C4orf50: variants seen among roughly 807,000 people sequenced by gnomAD.
The protein encoded by C4orf50 is uncharacterized protein C4orf50.
A neutral mutation model predicts 77.2 loss-of-function variants in C4orf50; 80 were observed. The ratio of observed to expected loss-of-function variants is 1.04; its 90% CI spans 0.87 to 1.25. The LOEUF is 1.25. Among genes scored for constraint, C4orf50 ranks in the 50% most tolerant of loss-of-function variants. The pLI is 0.00. For synonymous variants in C4orf50, 532 were observed against 465.3 expected (o/e 1.14, Z -1.84); for missense variants, 1,257 against 1,152.9 (o/e 1.09, Z -1.31).
At chr4:5,934,362 T>C (rs1454840016) in intron 7 of C4orf50, among the ~76,000 whole-genome samples, 1 of 152,172 alleles carries the variant, frequency 6.6e-6, no homozygotes, top group Non-Finnish European at 1.5e-5. Flanking sequence ...TTCCTCATAT[T>C]GGAAAACTCA....
At chr4:6,006,219 G>T (rs922089132) in intron 25 of C4orf50, among the ~76,000 whole-genome samples, 3 of 152,064 alleles carry the variant, frequency 2.0e-5, no homozygotes, top group Admixed American at 1.3e-4. Context: ...ATCATTTAAG[G>T]TTCCAGGTAA....
intron 7 of C4orf50, among the ~76,000 whole-genome samples, chr4:5,930,198 G>C (rs1332604607): frequency 6.6e-6 from 1 of 152,176 alleles, no homozygotes; most frequent in Non-Finnish European, 1.5e-5. Flanking sequence ...GTCTCTCTAG[G>C]CCTCAGATTC....
rs1452446103 is a variant in C4orf50, at chr4:6,018,149, T to C, written c.283A>G (p.Ser95Gly). ...AGATCAAAATGGCATCGCTACCTGCTTCTCAGCCCGGACTCCGATGTCACG... is the reference window on the plus strand; with the variant it reads ...AGATCAAAATGGCATCGCTACCTGCCTCTCAGCCCGGACTCCGATGTCACG... The change falls in exon 23 of 34, where the codon AGC becomes GGC. Residue 95 changes from serine (S) to glycine (G), a missense_variant. Physicochemically the swap from Ser to Gly is moderately conservative, Grantham distance 56 (BLOSUM62 0). Coordinates refer to ENST00000531445, the Ensembl canonical transcript of C4orf50. This position sits in a 1 kb window ranked among gnomAD's most constrained non-coding sequence, Gnocchi z 5.1. 1.5e-5 allele frequency: 6 copies of C among 398,742 alleles called. No homozygotes were observed. The highest frequency in any genetic ancestry group is 8.8e-5 in the Admixed American group (2 of 22,714). 24.7% of individuals were successfully genotyped at this position (398,742 alleles called of 1,614,324 possible). A position where few individuals can be genotyped will look rare whatever the true frequency, so the allele number is the denominator to read the frequency against.
intron 7 of C4orf50, among the ~76,000 whole-genome samples, chr4:5,918,162 C>T (rs1224390478): frequency 6.6e-6 from 1 of 152,144 alleles, no homozygotes. Flanking sequence ...AAAGAGGAGG[C>T]GAGGTCATAT....
At position 6,011,281 on chromosome 4, in the gene C4orf50, C is replaced by T. The variant is rs1463156044; in HGVS notation, c.426+549G>A. Among the ~76,000 whole-genome samples, 3 of 152,148 alleles carry T rather than the reference C, an allele frequency of 2.0e-5. No individual in the cohort carries two copies. ...GGCCCCTCTGGAACTTTCCGACTCA[C>T]CCACTCCGTCCCCAGCACGGTGATA... is the stretch of plus-strand genomic sequence containing the variant. On this transcript the variant is annotated intron_variant, in intron 24 of 33. Transcript: ENST00000531445. The surrounding 1 kb of genome is among the most constrained non-coding windows in gnomAD (Gnocchi z 4.2).
rs1247211380 is a variant in C4orf50 at position 6,007,553 on chromosome 4, A to G, written c.963+443T>C. Among the ~76,000 whole-genome samples, 2 of 152,164 alleles carry G rather than the reference A, an allele frequency of 1.3e-5. No homozygotes were observed. The highest frequency in any genetic ancestry group is 2.1e-4 in the South Asian group (1 of 4,826). On this transcript the variant is annotated intron_variant, in intron 25 of 33. Transcript: ENST00000531445. The surrounding 1 kb of genome is among the most constrained non-coding windows in gnomAD (Gnocchi z 4.1). ...AAGTTTCTGTTATTTATAAGCCACC[A>G]TCTATGGTATTTTTTATAAAAGCCC...
intron 23 of C4orf50, among the ~76,000 whole-genome samples, chr4:6,013,681 T>C (rs1231753218): frequency 2.0e-5 from 3 of 152,272 alleles, no homozygotes; most frequent in East Asian, 3.9e-4. Flanking sequence ...GGGACGGCCC[T>C]GTGGACACCA....
intron 25 of C4orf50, among the ~76,000 whole-genome samples, chr4:6,004,036 A>ATGGTGATGGTGG: frequency 2.0e-5 from 1 of 48,888 alleles, no homozygotes; most frequent in African/African-American, 8.0e-5. Flanking sequence ...TGTGATAGTG[A>ATGGTGATGGTGG]TGATGGTGAT....
rs981847944 is a variant in C4orf50, at chr4:6,008,188, C to A, written c.771G>T (p.Ala257=). The change falls in exon 25 of 34, where the codon GCG becomes GCT. Residue 257 remains alanine, a synonymous_variant. Transcript: ENST00000531445. This position sits in a 1 kb window ranked among gnomAD's most constrained non-coding sequence, Gnocchi z 6.0. The stretch of plus-strand genomic sequence containing the variant: ...CCCGGTGCTCCTGCAGGCTGCGCGC[C>A]GCCTCTTCCCGCTCGCGCTCGCTGC... The A allele has an allele frequency of 5.0e-6, 2 of 398,076 alleles. No individual in the cohort carries two copies. Among genetic ancestry groups the A allele is most frequent in the South Asian group, 1.3e-4 (1 of 7,866 alleles). The allele number at this position is 398,076 out of a possible 1,614,324, so 24.7% of individuals were successfully genotyped here.
rs776191150 is a variant in C4orf50 at position 6,015,995 on chromosome 4, T to C, written c.287+2150A>G. 1.3e-5 allele frequency among the ~76,000 whole-genome samples: 2 copies of C among 152,196 alleles called. No homozygotes were observed. The highest frequency in any genetic ancestry group is 2.4e-5 in the African/African-American group (1 of 41,452). Reference sequence around the variant, plus strand: ...TGTGCGCGTGGGTGTGAGTGTCCTGTTCAGGCCTTGCACCCTGAGCTGCCG... The same window carrying C: ...TGTGCGCGTGGGTGTGAGTGTCCTGCTCAGGCCTTGCACCCTGAGCTGCCG... On this transcript the variant is annotated intron_variant, in intron 23 of 33. Transcript: ENST00000531445. The surrounding 1 kb of genome is among the most constrained non-coding windows in gnomAD (Gnocchi z 4.4).
intron 23 of C4orf50, among the ~76,000 whole-genome samples, chr4:6,012,668 G>T (rs1326329549): frequency 6.6e-6 from 1 of 152,178 alleles, no homozygotes; most frequent in African/African-American, 2.4e-5. Context: ...TATGTCACAA[G>T]CAGGCATAGA....
intron 31 of C4orf50, among the ~76,000 whole-genome samples, chr4:5,971,927 GCAGC>G (rs1205295440): frequency 6.6e-6 from 1 of 152,164 alleles, no homozygotes; most frequent in African/African-American, 2.4e-5. Flanking sequence ...TGTCCCCACA[GCAGC>G]CAGCCAGCCG....
At position 6,001,038 on chromosome 4, in the gene C4orf50, T is replaced by TAC. The variant is rs371458163; in HGVS notation, c.964-6564_964-6563dup. ...AACACAAAAGCCATGATAAAATGGA[T>TAC]ACACACACACAGCCAAAGCAAGCCT... is the stretch of plus-strand genomic sequence containing the variant. On this transcript the variant is annotated intron_variant, in intron 25 of 33. Coordinates refer to ENST00000531445, the Ensembl canonical transcript of C4orf50. Among the ~76,000 whole-genome samples the TAC allele has an allele frequency of 4.1e-3, 626 of 152,264 alleles. 6 individuals are homozygous for TAC. Among genetic ancestry groups the TAC allele is most frequent in the African/African-American group, 0.014 (590 of 41,540 alleles).
downstream of C4orf50, among the ~76,000 whole-genome samples, chr4:5,956,250 C>T (rs1212322713): frequency 2.0e-5 from 3 of 152,182 alleles, no homozygotes; most frequent in African/African-American, 7.2e-5. Context: ...TGGGCTTTTG[C>T]TCATGATTTC....
chr4:5,984,419 C>T (rs1720753841), intron 28 of C4orf50, among the ~76,000 whole-genome samples: 1 of 152,148 alleles, frequency 6.6e-6, no homozygotes, highest in Non-Finnish European at 1.5e-5. Context: ...AACCAAACCC[C>T]TCAAGGTCTT....
intron 7 of C4orf50, among the ~76,000 whole-genome samples, chr4:5,927,308 C>T (rs561649063): frequency 5.3e-5 from 8 of 152,074 alleles, no homozygotes; most frequent in East Asian, 2.0e-4. Context: ...TGACACTGAC[C>T]GCTCCCCACT....
At chr4:6,010,191 C>A (rs552147679) in intron 24 of C4orf50, among the ~76,000 whole-genome samples, 2 of 152,134 alleles carry the variant, frequency 1.3e-5, no homozygotes, top group Non-Finnish European at 2.9e-5. Flanking sequence ...GACATCACAT[C>A]AGTGGCAGAG....
chr4:5,952,841 G>T (rs1319562560), downstream of C4orf50, among the ~76,000 whole-genome samples: 1 of 152,166 alleles, frequency 6.6e-6, no homozygotes, highest in Non-Finnish European at 1.5e-5. The surrounding 1 kb of genome is among the most constrained non-coding windows in gnomAD (Gnocchi z 4.4). Flanking sequence ...CCGCCTCCAA[G>T]AACGACTCGT....
intron 7 of C4orf50, among the ~76,000 whole-genome samples, chr4:5,945,884 G>A (rs2108753609): frequency 6.6e-6 from 1 of 152,196 alleles, no homozygotes; most frequent in East Asian, 1.9e-4. Flanking sequence ...TCCATTCTCT[G>A]GCCCCAGGAG....
Sources: allele counts gnomAD v4.1 joint callset (sites outside exome capture counted in the v4.1 genomes callset), GRCh38; gene constraint gnomAD v4.1.1; non-coding constraint Gnocchi (gnomAD v3.1); transcripts MANE v1.5; gene names NCBI Gene and HGNC (gene_info 2026-07-23, HGNC 2026-07-21).